The following VWDE variants were observed in gnomAD, a reference collection of about 807,000 sequenced individuals.
VWDE encodes the protein von Willebrand factor D and EGF domains.
A neutral mutation model predicts 178.4 loss-of-function variants in VWDE; 207 were observed. The ratio of observed to expected loss-of-function variants is 1.16; its 90% CI spans 1.04 to 1.30. The LOEUF (loss-of-function observed/expected upper bound fraction) is 1.30. Ranked by LOEUF, VWDE falls within the 50% of genes most tolerant of loss-of-function variation. The pLI, the probability that VWDE is intolerant of heterozygous loss-of-function variation, is 0.00. For synonymous variants in VWDE, 738 were observed against 651.4 expected (o/e 1.13, Z -2.02); for missense variants, 2,287 against 1,901.3 (o/e 1.20, Z -3.77).
chr7:12,383,666 C>G, intron 3 of VWDE, 65 bp from the exon 4 acceptor site: 1 of 1,278,796 alleles, frequency 7.8e-7, no homozygotes. Context: ...TACATATATC[C>G]AAGATGACAA....
At chr7:12,383,272 T>G (rs1377788398) in intron 4 of VWDE, among the ~76,000 whole-genome samples, 2 of 152,110 alleles carry the variant, frequency 1.3e-5, no homozygotes, top group Admixed American at 6.6e-5. Context: ...ACATGGAGTT[T>G]TAAGAATGTT....
At chr7:12,346,670 A>G (rs895279409) in intron 19 of VWDE, among the ~76,000 whole-genome samples, 6 of 151,828 alleles carry the variant, frequency 4.0e-5, no homozygotes, top group Non-Finnish European at 2.9e-5. Flanking sequence ...TCATTTCCTT[A>G]TTGCACTTTT....
chr7:12,350,932 G>A (rs1781897262), intron 19 of VWDE, among the ~76,000 whole-genome samples: 1 of 152,068 alleles, frequency 6.6e-6, no homozygotes. Context: ...AACAATTATT[G>A]TCTGCCTGTA....
chr7:12,348,933 G>A (rs890745076), intron 19 of VWDE, among the ~76,000 whole-genome samples: 5 of 151,896 alleles, frequency 3.3e-5, no homozygotes, highest in Admixed American at 6.6e-5. Context: ...GTAGGGACAT[G>A]GATGAAACTG....
chr7:12,387,502 T>C (rs1056313153), intron 3 of VWDE, among the ~76,000 whole-genome samples: 7 of 151,972 alleles, frequency 4.6e-5, no homozygotes, highest in African/African-American at 1.7e-4. Flanking sequence ...ACGAGCAAAA[T>C]AATTTTTGAG....
At position 12,330,910 on chromosome 7, in the gene VWDE, A is replaced by G; in HGVS notation, c.*273T>C. ...TTAGGGCTGAGAAAATATTCAGTTT[A>G]TTAAATATTGTGAATGGGTGGAATA... On this transcript the variant is annotated 3_prime_UTR_variant, in exon 29 of 29. Transcript: ENST00000275358. The G allele has an allele frequency of 2.8e-6, 1 of 354,592 alleles. No homozygotes were observed. Among genetic ancestry groups the G allele is most frequent in the Non-Finnish European group, 5.1e-6 (1 of 194,858 alleles). The allele number at this position is 354,592 out of a possible 1,614,324, so 22.0% of individuals were successfully genotyped here. A position where few individuals can be genotyped will look rare whatever the true frequency, so the allele number is the denominator to read the frequency against.
At chr7:12,334,253 TTATGGAACTTAATA>T (rs1780889477) in intron 27 of VWDE, among the ~76,000 whole-genome samples, 1 of 152,194 alleles carries the variant, frequency 6.6e-6, no homozygotes, top group Non-Finnish European at 1.5e-5. Flanking sequence ...AGTATTTATA[TTATGGAACTTAATA>T]TATTGCTTTA....
chr7:12,369,918 G>C lies in VWDE; in HGVS notation c.2388C>G (p.Pro796=). ...TATACTCGGTGAGGCCAGAGGGAGTGGGCCAAGAGGGGAAAAACTCTTGCT... is the reference window on the plus strand; with the variant it reads ...TATACTCGGTGAGGCCAGAGGGAGTCGGCCAAGAGGGGAAAAACTCTTGCT... The part of the protein sequence containing the change: ...DVQQEFFPSW[P]TPSGLTEYST... Residue 796 remains proline (P), a synonymous_variant, in exon 12 of 29, where the codon CCC becomes CCG. Coordinates refer to ENST00000275358, the MANE Select transcript of VWDE (RefSeq NM_001135924.3). 1 of 1,551,410 alleles carries C rather than the reference G, an allele frequency of 6.4e-7. No individual in the cohort carries two copies.
chr7:12,343,044 C>T, intron 22 of VWDE, 39 bp downstream of exon 22: 1 of 1,438,852 alleles, frequency 6.9e-7, no homozygotes, highest in Non-Finnish European at 9.5e-7. Flanking sequence ...TTCAAAGAAG[C>T]AGTTTCATTA....
Position 12,377,530 on chromosome 7 carries a change from AGAG to A in VWDE, c.1024+243_1024+245del, listed in dbSNP as rs1404223994. On this transcript the variant is annotated intron_variant, in intron 7 of 28. Coordinates refer to ENST00000275358, the MANE Select transcript of VWDE (RefSeq NM_001135924.3). The stretch of plus-strand genomic sequence containing the variant: ...AGCGAGAGGAAAAAGATGATGACGA[AGAG>A]GAGATTATTCACTATTTTTTTTCTT... 120 of 283,162 alleles carry A rather than the reference AGAG, an allele frequency of 4.2e-4. No individual in the cohort carries two copies. The East Asian group carries it at 6.8e-3, about 16-fold the overall frequency. 17.5% of individuals were successfully genotyped at this position (283,162 alleles called of 1,614,324 possible). A position where few individuals can be genotyped will look rare whatever the true frequency, so the allele number is the denominator to read the frequency against.
At chr7:12,364,272 A>G (rs1297497609) in intron 13 of VWDE, among the ~76,000 whole-genome samples, 4 of 152,054 alleles carry the variant, frequency 2.6e-5, no homozygotes, top group African/African-American at 9.7e-5. Flanking sequence ...AAGGGCCAAG[A>G]AGGATTAACT....
At chr7:12,394,008 T>C (rs1001214169) in intron 1 of VWDE, among the ~76,000 whole-genome samples, 3 of 152,212 alleles carry the variant, frequency 2.0e-5, no homozygotes, top group Non-Finnish European at 4.4e-5. Flanking sequence ...GAATGTACTT[T>C]TGAAACACTT....
At chr7:12,366,306 A>G (rs1782857531) in intron 13 of VWDE, among the ~76,000 whole-genome samples, 1 of 152,256 alleles carries the variant, frequency 6.6e-6, no homozygotes, top group South Asian at 2.1e-4. Context: ...AGGAAGTGGC[A>G]GGTAGTATGA....
chr7:12,384,290 G>A (rs1783992639), intron 3 of VWDE, among the ~76,000 whole-genome samples: 1 of 152,074 alleles, frequency 6.6e-6, no homozygotes, highest in South Asian at 2.1e-4. Flanking sequence ...ATGAAATCTA[G>A]GAAAAAACAA....
At chr7:12,369,475 A>G (rs1783034148) in intron 12 of VWDE, 70 bp downstream of exon 12, 1 of 1,445,358 alleles carries the variant, frequency 6.9e-7, no homozygotes, top group African/African-American at 1.4e-5. Flanking sequence ...CTGAGGGTGA[A>G]ATAAAGATCA....
intron 7 of VWDE, among the ~76,000 whole-genome samples, chr7:12,376,997 T>C (rs1783567002): frequency 6.6e-6 from 1 of 152,112 alleles, no homozygotes; most frequent in African/African-American, 2.4e-5. Context: ...GTATATTTAC[T>C]AAAGACAATG....
chr7:12,378,949 C>A (rs1438148054), intron 6 of VWDE, among the ~76,000 whole-genome samples: 2 of 152,126 alleles, frequency 1.3e-5, no homozygotes, highest in Non-Finnish European at 2.9e-5. Context: ...ATATTGCCCC[C>A]ACTTCTTCCA....
chr7:12,347,508 T>A (rs533353497), intron 19 of VWDE, among the ~76,000 whole-genome samples: 6 of 152,152 alleles, frequency 3.9e-5, no homozygotes, highest in African/African-American at 1.2e-4. Context: ...AAAGCCACAC[T>A]AATCAAAAAC....
Position 12,393,634 on chromosome 7 carries a change from A to T in VWDE, c.203T>A (p.Ile68Asn), listed in dbSNP as rs368229026. Residue 68 changes from isoleucine to asparagine, a missense_variant, in exon 2 of 29, where the codon ATC becomes AAC. Ile to Asn is a moderately radical substitution (Grantham distance 149). Coordinates refer to ENST00000275358, the MANE Select transcript of VWDE (RefSeq NM_001135924.3). ...TGGCATCTCGGCAGGTCTGTCAAGGATGAGAAATCTATACCATCCAGGGGA... is the reference window on the plus strand; with the variant it reads ...TGGCATCTCGGCAGGTCTGTCAAGGTTGAGAAATCTATACCATCCAGGGGA... Reference protein sequence around the residue: ...SLSPGWYRFLILDRPAEMPTK... With the variant: ...SLSPGWYRFLNLDRPAEMPTK... 1 of 1,551,006 alleles carries T rather than the reference A, an allele frequency of 6.4e-7. No homozygotes were observed. Among genetic ancestry groups the T allele is most frequent in the East Asian group, 2.4e-5 (1 of 40,894 alleles).
Sources: allele counts gnomAD v4.1 joint callset (sites outside exome capture counted in the v4.1 genomes callset), GRCh38; gene constraint gnomAD v4.1.1; transcripts MANE v1.5; gene names NCBI Gene and HGNC (gene_info 2026-07-23, HGNC 2026-07-21).